Variants in NRXN3 observed in about 807,000 individuals in gnomAD.
NRXN3 encodes the protein neurexin III.
A neutral mutation model predicts 137.6 loss-of-function variants in NRXN3; 32 were observed. The observed-to-expected ratio is 0.23, with a 90% confidence interval of 0.18 to 0.31. The LOEUF is 0.31. Among genes scored for constraint, NRXN3 ranks in the 10% least tolerant of loss-of-function variants. The pLI, the probability that NRXN3 is intolerant of heterozygous loss-of-function variation, is 1.00. For synonymous variants in NRXN3, 798 were observed against 784.5 expected (o/e 1.02, Z -0.29); for missense variants, 1,574 against 2,062.5 (o/e 0.76, Z 4.59).
At chr14:78,461,357 C>T (rs2094915600) in intron 4 of NRXN3, among the ~76,000 whole-genome samples, 1 of 151,302 alleles carries the variant, frequency 6.6e-6, no homozygotes, top group Non-Finnish European at 1.5e-5. Context: ...TTACTAATCT[C>T]AAGTCTAGGG....
intron 16 of NRXN3, among the ~76,000 whole-genome samples, chr14:79,523,385 A>G (rs891794265): frequency 6.6e-6 from 1 of 152,216 alleles, no homozygotes; most frequent in Non-Finnish European, 1.5e-5. Flanking sequence ...TATATACAAA[A>G]GAGATGAGGC....
At chr14:78,305,617 T>C (rs2077291402) in intron 4 of NRXN3, among the ~76,000 whole-genome samples, 1 of 152,190 alleles carries the variant, frequency 6.6e-6, no homozygotes, top group South Asian at 2.1e-4. Flanking sequence ...CTCTTGTCCC[T>C]GCTAGGACTT....
chr14:78,904,889 T>C (rs1349046211), intron 10 of NRXN3, among the ~76,000 whole-genome samples: 1 of 152,068 alleles, frequency 6.6e-6, no homozygotes, highest in Non-Finnish European at 1.5e-5. Context: ...CCTTCCACAA[T>C]GCTGACCTAG....
chr14:78,225,711 T>C (rs1260391581), intron 1 of NRXN3, among the ~76,000 whole-genome samples: 1 of 152,210 alleles, frequency 6.6e-6, no homozygotes, highest in Non-Finnish European at 1.5e-5. Flanking sequence ...AGATAGAACT[T>C]CTTATGGCTT....
intron 4 of NRXN3, among the ~76,000 whole-genome samples, chr14:78,561,134 C>T (rs1030952318): frequency 3.3e-5 from 5 of 152,196 alleles, no homozygotes; most frequent in African/African-American, 1.2e-4. Flanking sequence ...CGCTCAGAAG[C>T]TTGGCTGCTT....
chr14:79,543,054 T>C (rs1023316157), intron 16 of NRXN3, among the ~76,000 whole-genome samples: 1 of 152,132 alleles, frequency 6.6e-6, no homozygotes, highest in Non-Finnish European at 1.5e-5. Context: ...AACTTATAAT[T>C]AGCCTGCGAT....
intron 16 of NRXN3, among the ~76,000 whole-genome samples, chr14:79,547,847 C>G (rs759966237): frequency 6.6e-6 from 1 of 152,064 alleles, no homozygotes; most frequent in Admixed American, 6.6e-5. Context: ...GATGGCCTAT[C>G]GTTTTGAATT....
intron 15 of NRXN3, chr14:79,280,326 C>G (rs2081068156): frequency 6.2e-7 from 1 of 1,614,132 alleles, no homozygotes; most frequent in Non-Finnish European, 8.5e-7. Context: ...CGGAGCCCTC[C>G]TCGCCGGCCG....
intron 15 of NRXN3, among the ~76,000 whole-genome samples, chr14:79,178,044 AG>A (rs1371958105): frequency 6.6e-6 from 1 of 152,224 alleles, no homozygotes; most frequent in Non-Finnish European, 1.5e-5. Flanking sequence ...AGAGGGACAA[AG>A]AGAGAGGTGC....
chr14:79,085,955 G>T (rs1268142125), intron 15 of NRXN3, among the ~76,000 whole-genome samples: 1 of 152,118 alleles, frequency 6.6e-6, no homozygotes, highest in Non-Finnish European at 1.5e-5. Flanking sequence ...CAGCAAAAAA[G>T]TTCATGTTCT....
chr14:79,359,421 G>A (rs571493539), intron 15 of NRXN3, among the ~76,000 whole-genome samples: 1 of 152,206 alleles, frequency 6.6e-6, no homozygotes, highest in East Asian at 1.9e-4. Flanking sequence ...GTAGTCATTT[G>A]CTCTAATAAT....
chr14:78,645,496 T>C (rs754777431), intron 5 of NRXN3, 75 bp downstream of exon 5: 14 of 1,339,656 alleles, frequency 1.0e-5, no homozygotes, highest in South Asian at 2.9e-5. Flanking sequence ...AAGCAGGTGA[T>C]GGGTGTGAGG....
chr14:79,354,067 C>A (rs1471287377), intron 15 of NRXN3, among the ~76,000 whole-genome samples: 1 of 152,032 alleles, frequency 6.6e-6, no homozygotes, highest in East Asian at 1.9e-4. Context: ...TGTTTTCCGA[C>A]CCTAAGTGAA....
At chr14:78,443,809 T>A (rs1488037416) in intron 4 of NRXN3, among the ~76,000 whole-genome samples, 2 of 152,236 alleles carry the variant, frequency 1.3e-5, no homozygotes, top group East Asian at 3.8e-4. Flanking sequence ...TAGTCATTGT[T>A]TATTTTCTCC....
chr14:78,758,947 C>T (rs1360108094), intron 8 of NRXN3, among the ~76,000 whole-genome samples: 1 of 152,144 alleles, frequency 6.6e-6, no homozygotes, highest in African/African-American at 2.4e-5. Flanking sequence ...TCATTTTGTT[C>T]TTGGTGTACC....
chr14:79,547,875 A>G (rs962298428), intron 16 of NRXN3, among the ~76,000 whole-genome samples: 10 of 152,192 alleles, frequency 6.6e-5, no homozygotes, highest in Non-Finnish European at 1.2e-4. Flanking sequence ...CCAGAACTCC[A>G]CTATCCATGC....
intron 15 of NRXN3, among the ~76,000 whole-genome samples, chr14:79,214,043 C>A (rs2068106808): frequency 6.6e-6 from 1 of 152,244 alleles, no homozygotes; most frequent in African/African-American, 2.4e-5. Context: ...CATAACCACA[C>A]ATAGCTGTGT....
At chr14:78,574,236 G>C (rs1164721588) in intron 4 of NRXN3, among the ~76,000 whole-genome samples, 1 of 152,256 alleles carries the variant, frequency 6.6e-6, no homozygotes, top group Non-Finnish European at 1.5e-5. Flanking sequence ...ACCTCTGCTA[G>C]GGCAGTGCAG....
At chr14:78,938,505 C>A (rs2099346308) in intron 10 of NRXN3, among the ~76,000 whole-genome samples, 1 of 152,128 alleles carries the variant, frequency 6.6e-6, no homozygotes, top group South Asian at 2.1e-4. Flanking sequence ...CTCCTGACAC[C>A]ATCAGTGCAC....
Sources: gnomAD v4.1 joint callset for allele counts (sites outside exome capture counted in the v4.1 genomes callset) on GRCh38, gnomAD v4.1.1 for gene constraint, MANE v1.5 for transcripts, NCBI Gene and HGNC (gene_info 2026-07-23, HGNC 2026-07-21) for gene names.